The following EGFR variants were observed in gnomAD, a reference collection of about 807,000 sequenced individuals.
EGFR encodes the protein epidermal growth factor receptor.
Under a neutral mutation model 143.0 loss-of-function variants are expected in EGFR, and 58 were observed. The observed-to-expected ratio is 0.41, with a 90% CI of 0.33 to 0.50. EGFR has a LOEUF of 0.50. EGFR is among the 20% of genes least tolerant of loss of function. The pLI is 0.39. For missense variants in EGFR, 1,307 were observed against 1,579.0 expected, an observed-to-expected ratio of 0.83 and a Z score of 2.92; for synonymous variants, 613 against 594.4, an observed-to-expected ratio of 1.03 and a Z score of -0.45.
At chr7:55,126,302 C>T (rs1037524172) in intron 1 of EGFR, among the ~76,000 whole-genome samples, 8 of 152,160 alleles carry the variant, frequency 5.3e-5, no homozygotes, top group South Asian at 4.2e-4. Context: ...CAGGACTGTT[C>T]GTTTTTGCAC....
chr7:55,202,112 C>T (rs1787876472), intron 26 of EGFR, among the ~76,000 whole-genome samples: 1 of 152,128 alleles, frequency 6.6e-6, no homozygotes, highest in African/African-American at 2.4e-5. Flanking sequence ...AGTGTGAGGC[C>T]GTGGTCTAGA....
intron 1 of EGFR, among the ~76,000 whole-genome samples, chr7:55,141,640 A>T (rs935276875): frequency 6.6e-6 from 1 of 152,184 alleles, no homozygotes; most frequent in African/African-American, 2.4e-5. Flanking sequence ...TGATGCATTC[A>T]TTTGAATAAT....
chr7:55,138,130 G>A (rs1207771797), intron 1 of EGFR, among the ~76,000 whole-genome samples: 1 of 152,210 alleles, frequency 6.6e-6, no homozygotes, highest in Non-Finnish European at 1.5e-5. Context: ...GTGATAAGGT[G>A]AATGTAGTAA....
intron 20 of EGFR, among the ~76,000 whole-genome samples, chr7:55,183,419 A>T (rs1786984544): frequency 6.6e-6 from 1 of 152,222 alleles, no homozygotes; most frequent in Non-Finnish European, 1.5e-5. Flanking sequence ...CCCTAAATCC[A>T]GGATGATTTC....
At chr7:55,085,470 G>T (rs543263832) in intron 1 of EGFR, among the ~76,000 whole-genome samples, 1 of 152,350 alleles carries the variant, frequency 6.6e-6, no homozygotes, top group East Asian at 1.9e-4. Flanking sequence ...ACGCCCTCTT[G>T]TAGAGCCCGT....
chr7:55,044,979 A>T (rs1326363527), intron 1 of EGFR, among the ~76,000 whole-genome samples: 1 of 152,158 alleles, frequency 6.6e-6, no homozygotes, highest in Non-Finnish European at 1.5e-5. Context: ...GAAAGTCCTG[A>T]TGCAGACATT....
chr7:55,058,380 C>T (rs1173520169), intron 1 of EGFR, among the ~76,000 whole-genome samples: 14 of 150,766 alleles, frequency 9.3e-5, no homozygotes, highest in Non-Finnish European at 1.9e-4. Flanking sequence ...GGTGACAGAG[C>T]GAGACTCTGT....
intron 1 of EGFR, among the ~76,000 whole-genome samples, chr7:55,079,356 TGCAGGAGCTGCG>T (rs1790335341): frequency 6.6e-6 from 1 of 152,212 alleles, no homozygotes. Context: ...CTGCTGAAGA[TGCAGGAGCTGCG>T]GCCTGCTCTG....
chr7:55,087,282 AAC>A (rs199536192), intron 1 of EGFR, among the ~76,000 whole-genome samples: 29,156 of 141,296 alleles, frequency 0.21, 3,679 homozygotes, highest in African/African-American at 0.27. Context: ...TTAAAAAAAA[AAC>A]AAAAAAAAAA....
chr7:55,166,682 A>ACGT (rs376822670), intron 15 of EGFR, among the ~76,000 whole-genome samples: 9,711 of 83,380 alleles, frequency 0.12, 656 homozygotes, highest in East Asian at 0.25. Flanking sequence ...GGGAGTCACA[A>ACGT]TGGTGGTGGT....
chr7:55,128,589 C>T (rs1793662206), intron 1 of EGFR, among the ~76,000 whole-genome samples: 1 of 152,160 alleles, frequency 6.6e-6, no homozygotes, highest in South Asian at 2.1e-4. Context: ...TATTCCCTTG[C>T]ATAGTAATTA....
At chr7:55,179,332 G>A (rs374717949) in intron 19 of EGFR, among the ~76,000 whole-genome samples, 2 of 152,354 alleles carry the variant, frequency 1.3e-5, no homozygotes, top group South Asian at 2.1e-4. Flanking sequence ...CTGGGGGCGG[G>A]ACCCAAGAAT....
intron 1 of EGFR, among the ~76,000 whole-genome samples, chr7:55,101,562 G>A (rs111397519): frequency 2.0e-3 from 311 of 152,242 alleles, no homozygotes; most frequent in Non-Finnish European, 3.1e-3. Context: ...GTTGAATCAG[G>A]AGAAACTTGC....
intron 19 of EGFR, chr7:55,179,963 A>C (rs1786784660): frequency 6.6e-6 from 1 of 152,204 alleles, no homozygotes; most frequent in Non-Finnish European, 1.5e-5. Context: ...TATTTAAGGG[A>C]GGTCCTGGAA....
At chr7:55,035,464 G>A (rs1477902353) in intron 1 of EGFR, among the ~76,000 whole-genome samples, 3 of 151,182 alleles carry the variant, frequency 2.0e-5, no homozygotes, top group Admixed American at 6.6e-5. Flanking sequence ...CTTGAGGTTG[G>A]GAGTTCAAGA....
chr7:55,057,289 C>T (rs557763452), intron 1 of EGFR, among the ~76,000 whole-genome samples: 17 of 152,300 alleles, frequency 1.1e-4, no homozygotes, highest in African/African-American at 3.1e-4. Context: ...AAAGTTGGGA[C>T]GGGCAGTTGT....
chr7:55,121,666 ACT>A (rs2128914128), intron 1 of EGFR, among the ~76,000 whole-genome samples: 1 of 151,892 alleles, frequency 6.6e-6, no homozygotes, highest in South Asian at 2.1e-4. Context: ...GACATACAAC[ACT>A]CTATCACATA....
chr7:55,156,468 T>C, intron 8 of EGFR, 65 bp from the exon 9 acceptor site: 1 of 1,608,854 alleles, frequency 6.2e-7, no homozygotes, highest in Non-Finnish European at 8.5e-7. Flanking sequence ...CCTCTGCCTG[T>C]GGATCCCTAG....
intron 1 of EGFR, among the ~76,000 whole-genome samples, chr7:55,071,778 T>C (rs1789847822): frequency 6.6e-6 from 1 of 152,252 alleles, no homozygotes; most frequent in Non-Finnish European, 1.5e-5. Flanking sequence ...AAATTATATT[T>C]GAGAGAGAAA....
Sources: allele counts gnomAD v4.1 joint callset (sites outside exome capture counted in the v4.1 genomes callset), GRCh38; gene constraint gnomAD v4.1.1; transcripts MANE v1.5; gene names NCBI Gene and HGNC (gene_info 2026-07-23, HGNC 2026-07-21).